The following UBAC2 variants were observed in gnomAD, a reference collection of about 807,000 sequenced individuals.
UBAC2 encodes the protein UBA domain containing 2, also known as ubiquitin-associated domain-containing protein 2.
Under a neutral mutation model 44.0 loss-of-function variants are expected in UBAC2, and 26 were observed. That is an observed-to-expected ratio of 0.59 (90% CI 0.43 to 0.82). The LOEUF is 0.82. Ranked by LOEUF, UBAC2 falls within the 40% of genes least tolerant of loss-of-function variation. UBAC2 has a pLI of 0.00. For missense variants in UBAC2, 329 were observed against 419.4 expected, an observed-to-expected ratio of 0.78 and a Z score of 1.88; for synonymous variants, 155 against 154.3, an observed-to-expected ratio of 1.00 and a Z score of -0.04.
At chr13:99,238,133 G>A (rs779983773) in intron 1 of UBAC2, among the ~76,000 whole-genome samples, 3 of 152,176 alleles carry the variant, frequency 2.0e-5, no homozygotes, top group Non-Finnish European at 4.4e-5. Flanking sequence ...TTTACACTTG[G>A]GTAGCCATTT....
At chr13:99,343,304 G>A (rs1476107892) in intron 7 of UBAC2, among the ~76,000 whole-genome samples, 2 of 152,182 alleles carry the variant, frequency 1.3e-5, no homozygotes, top group Admixed American at 6.5e-5. Context: ...GCACGCCCTC[G>A]CTCCAGGATT....
At chr13:99,224,086 G>T (rs2043083932) in intron 1 of UBAC2, among the ~76,000 whole-genome samples, 2 of 152,174 alleles carry the variant, frequency 1.3e-5, no homozygotes, top group Admixed American at 1.3e-4. Context: ...CACAGACTGG[G>T]TGGCTTAAGG....
chr13:99,301,581 A>G (rs2044257469), intron 4 of UBAC2, among the ~76,000 whole-genome samples: 1 of 151,974 alleles, frequency 6.6e-6, no homozygotes, highest in African/African-American at 2.4e-5. Flanking sequence ...AGATATTATC[A>G]TCTCATTTTT....
rs1593991373 is a variant in UBAC2 at position 99,378,917 on chromosome 13, T to C, written c.928-6311T>C. ...CATGGCTGAATTAATGGAGTCACAT[T>C]TGGGGAAAAGTACATGGCATAAACA... is the stretch of plus-strand genomic sequence containing the variant. On this transcript the variant is annotated intron_variant, in intron 8 of 8. Coordinates refer to ENST00000403766, the MANE Select transcript of UBAC2 (RefSeq NM_001144072.2). 2.0e-5 allele frequency among the ~76,000 whole-genome samples: 3 copies of C among 152,346 alleles called. No individual in the cohort carries two copies. In the East Asian group the frequency reaches 5.8e-4, roughly 29 times the overall value.
chr13:99,335,292 CGT>C (rs2044771360), intron 6 of UBAC2, among the ~76,000 whole-genome samples: 2 of 151,924 alleles, frequency 1.3e-5, no homozygotes, highest in Non-Finnish European at 2.9e-5. Context: ...GCTGAATCAG[CGT>C]AATGCTGATA....
At chr13:99,227,479 A>C (rs997085628) in intron 1 of UBAC2, among the ~76,000 whole-genome samples, 3 of 152,236 alleles carry the variant, frequency 2.0e-5, no homozygotes, top group African/African-American at 7.2e-5. Context: ...GCTTTCATTT[A>C]CTTGGCCAGA....
At chr13:99,331,988 T>C (rs1398284678) in intron 6 of UBAC2, among the ~76,000 whole-genome samples, 4 of 152,240 alleles carry the variant, frequency 2.6e-5, no homozygotes, top group Middle Eastern at 6.8e-3. Flanking sequence ...ATGAAGTCTA[T>C]GTGCTGGGGC....
chr13:99,266,054 A>G (rs765056201), intron 4 of UBAC2, among the ~76,000 whole-genome samples: 3 of 152,162 alleles, frequency 2.0e-5, no homozygotes, highest in Non-Finnish European at 2.9e-5. Context: ...CTGTGCTTCT[A>G]CTGCCACCTA....
chr13:99,221,847 G>A (rs1330421411), intron 1 of UBAC2, among the ~76,000 whole-genome samples: 1 of 152,058 alleles, frequency 6.6e-6, no homozygotes, highest in Non-Finnish European at 1.5e-5. Flanking sequence ...CTTCACTACT[G>A]CTCCCTGGGA....
At chr13:99,347,541 T>A (rs2045010315) in intron 7 of UBAC2, among the ~76,000 whole-genome samples, 1 of 152,018 alleles carries the variant, frequency 6.6e-6, no homozygotes, top group South Asian at 2.1e-4. Context: ...CCCGTTCAAG[T>A]TACTTTCACT....
In UBAC2 at chr13:99,317,589, A is replaced by G. The variant is rs376388109; in HGVS notation, c.514-433A>G. On this transcript the variant is annotated intron_variant, in intron 5 of 8. Transcript: ENST00000403766. ...CTTCCCATCTAAATTTAGGGTGACAATGTTAAGAAATTAAAATGAGAAAGT... is the reference window on the plus strand; with the variant it reads ...CTTCCCATCTAAATTTAGGGTGACAGTGTTAAGAAATTAAAATGAGAAAGT... Among the ~76,000 whole-genome samples the G allele has an allele frequency of 1.6e-4, 24 of 152,352 alleles. No individual in the cohort carries two copies. The East Asian group carries it at 2.3e-3, about 15-fold the overall frequency.
chr13:99,205,853 A>C (rs975246366), intron 1 of UBAC2: 2 of 161,232 alleles, frequency 1.2e-5, no homozygotes, highest in African/African-American at 4.8e-5. Flanking sequence ...TCGGTCGAAG[A>C]GGACGACCAT....
At chr13:99,229,839 T>G (rs535653864) in intron 1 of UBAC2, among the ~76,000 whole-genome samples, 2 of 152,342 alleles carry the variant, frequency 1.3e-5, no homozygotes, top group East Asian at 3.9e-4. Flanking sequence ...ATACTGTAAT[T>G]TATTAAAAAC....
chr13:99,314,325 C>T (rs967336698), intron 5 of UBAC2, 105 bp downstream of exon 5: 6 of 1,315,538 alleles, frequency 4.6e-6, no homozygotes, highest in Middle Eastern at 2.3e-4. Flanking sequence ...GGTTTTTTTC[C>T]CCCCATAATC....
chr13:99,240,634 G>A (rs7139654), intron 2 of UBAC2, among the ~76,000 whole-genome samples: 1 of 151,932 alleles, frequency 6.6e-6, no homozygotes, highest in African/African-American at 2.4e-5. Flanking sequence ...ATGTGCTCTC[G>A]TGTACTGCCT....
chr13:99,351,885 A>G (rs773809447), intron 7 of UBAC2: 3 of 399,760 alleles, frequency 7.5e-6, no homozygotes, highest in South Asian at 5.4e-5. Context: ...TTTGCCTGCA[A>G]GGAAAGAAGC....
chr13:99,352,323 C>A (rs2045105950), intron 7 of UBAC2, among the ~76,000 whole-genome samples: 2 of 152,164 alleles, frequency 1.3e-5, no homozygotes. Flanking sequence ...AAACTGCGCC[C>A]CATTAGCAGT....
intron 7 of UBAC2, among the ~76,000 whole-genome samples, chr13:99,354,113 C>T (rs765401155): frequency 6.6e-6 from 1 of 152,264 alleles, no homozygotes; most frequent in Non-Finnish European, 1.5e-5. Flanking sequence ...CCGCACCCCC[C>T]TTCACTGCTC....
chr13:99,338,067 T>TA (rs2044825489), intron 6 of UBAC2, among the ~76,000 whole-genome samples: 1 of 104,416 alleles, frequency 9.6e-6, no homozygotes, highest in African/African-American at 3.5e-5. Context: ...TTTTTTTTTT[T>TA]TTTTTTTTGA....
Sources: gnomAD v4.1 joint callset for allele counts (sites outside exome capture counted in the v4.1 genomes callset) on GRCh38, gnomAD v4.1.1 for gene constraint, MANE v1.5 for transcripts, NCBI Gene and HGNC (gene_info 2026-07-23, HGNC 2026-07-21) for gene names.